Variants in AP1M1 observed in about 807,000 individuals in gnomAD.
The protein encoded by AP1M1 is AP-1 complex subunit mu-1.
AP1M1 carries 18 observed loss-of-function variants against 57.1 expected under a neutral mutation model. The ratio of observed to expected loss-of-function variants is 0.32; its 90% confidence interval spans 0.22 to 0.47. The LOEUF (loss-of-function observed/expected upper bound fraction) is 0.47. AP1M1 is among the 20% of genes least tolerant of loss of function. The pLI is 1.00. For missense variants in AP1M1, 362 were observed against 593.5 expected (o/e 0.61, Z 4.05); for synonymous variants, 241 against 237.9 (o/e 1.01, Z -0.12).
intron 5 of AP1M1, among the ~76,000 whole-genome samples, chr19:16,223,899 C>T (rs1255919119): frequency 6.6e-6 from 1 of 152,258 alleles, no homozygotes; most frequent in Admixed American, 6.5e-5. Flanking sequence ...TGTGTTCACG[C>T]TGGCCTCATC....
rs370663435 is a variant in AP1M1, at chr19:16,244,882, T to TTTTTTGTTGTTG, written c.*10449_*10450insTTTGTTGTTGTT. The TTTTTTGTTGTTG allele has an allele frequency of 0.4, 60,253 of 149,472 alleles. 13,899 individuals are homozygous for TTTTTTGTTGTTG. The highest frequency in any genetic ancestry group is 0.53 in the Non-Finnish European group (35,659 of 67,612). The allele number at this position is 149,472 out of a possible 1,614,324, so 9.3% of individuals were successfully genotyped here. A position where few individuals can be genotyped will look rare whatever the true frequency, so the allele number is the denominator to read the frequency against. ...TAAATAACATGGATAAAATTTGTTG[T>TTTTTTGTTGTTG]TTGTTGTTGTTGTTGTTGTTGTTGT... On this transcript the variant is annotated 3_prime_UTR_variant, in exon 12 of 12. Coordinates refer to ENST00000291439, the MANE Select transcript of AP1M1 (RefSeq NM_032493.4).
chr19:16,228,330 T>A lies in AP1M1; in HGVS notation c.888+122T>A. The A allele has an allele frequency of 9.8e-7, 1 of 1,017,728 alleles. No homozygotes were observed. The highest frequency in any genetic ancestry group is 1.4e-5 in the South Asian group (1 of 72,886). The allele number at this position is 1,017,728 out of a possible 1,614,324, so 63.0% of individuals were successfully genotyped here. A position where few individuals can be genotyped will look rare whatever the true frequency, so the allele number is the denominator to read the frequency against. ...CGTGCACCCTCACTGTGGCCTCAGA[T>A]GCAGGAGTGACCTGACACTGAGGGG... is the stretch of plus-strand genomic sequence containing the variant. On this transcript the variant is annotated intron_variant, in intron 8 of 11. Transcript: ENST00000291439. This position sits in a 1 kb window ranked among gnomAD's most constrained non-coding sequence, Gnocchi z 5.0.
intron 5 of AP1M1, 93 bp downstream of exon 5, chr19:16,209,270 C>A: frequency 7.0e-7 from 1 of 1,437,322 alleles, no homozygotes; most frequent in Non-Finnish European, 9.6e-7. Flanking sequence ...GCCCCGAGAG[C>A]CGTTCTGTGT....
chr19:16,200,772 C>G (rs568196831), intron 1 of AP1M1, among the ~76,000 whole-genome samples: 1 of 152,360 alleles, frequency 6.6e-6, no homozygotes, highest in Admixed American at 6.5e-5. Flanking sequence ...ACCACCTCCT[C>G]TTCAGTGCTC....
intron 1 of AP1M1, among the ~76,000 whole-genome samples, chr19:16,199,716 G>A (rs2091439520): frequency 6.6e-6 from 1 of 152,222 alleles, no homozygotes; most frequent in African/African-American, 2.4e-5. Context: ...TTCTTGGAAG[G>A]AGGGAAGACA....
chr19:16,203,929 C>T lies in AP1M1; in HGVS notation c.199+314C>T, dbSNP rs1689560115. On this transcript the variant is annotated intron_variant, in intron 2 of 11. Transcript: ENST00000291439. This position sits in a 1 kb window ranked among gnomAD's most constrained non-coding sequence, Gnocchi z 4.6. ...GCTGGAGGGGTGGGCAGGCACTAGG[C>T]GTGGGTGAAGGCTCTGCAGGGAAGA... is the stretch of plus-strand genomic sequence containing the variant. Among the ~76,000 whole-genome samples, 1 of 152,242 alleles carries T rather than the reference C, an allele frequency of 6.6e-6. No homozygotes were observed. Among genetic ancestry groups the T allele is most frequent in the African/African-American group, 2.4e-5 (1 of 41,538 alleles).
At chr19:16,219,068 T>TTG (rs2091531072) in intron 5 of AP1M1, among the ~76,000 whole-genome samples, 1 of 151,890 alleles carries the variant, frequency 6.6e-6, no homozygotes, top group African/African-American at 2.4e-5. Context: ...CTAACAGTTT[T>TTG]TTTTTTTTTT....
rs887265879 is a variant in AP1M1, at chr19:16,244,701, G to A, written c.*10266G>A. ...AAAAATTAGCCGGGCGCGGTGGCGGGCGCCTGTAGTCCCAGCTACTCCGGA... is the reference window on the plus strand; with the variant it reads ...AAAAATTAGCCGGGCGCGGTGGCGGACGCCTGTAGTCCCAGCTACTCCGGA... On this transcript the variant is annotated 3_prime_UTR_variant, in exon 12 of 12. Transcript: ENST00000291439. 6.6e-6 allele frequency: 1 copy of A among 151,704 alleles called. No individual in the cohort carries two copies. The highest frequency in any genetic ancestry group is 2.4e-5 in the African/African-American group (1 of 41,386). The allele number at this position is 151,704 out of a possible 1,614,324, so 9.4% of individuals were successfully genotyped here.
intron 5 of AP1M1, among the ~76,000 whole-genome samples, chr19:16,224,481 C>T (rs1376685857): frequency 6.6e-6 from 1 of 152,216 alleles, no homozygotes; most frequent in Non-Finnish European, 1.5e-5. Context: ...CCTCCAGATG[C>T]GATCATCTGA....
intron 5 of AP1M1, among the ~76,000 whole-genome samples, chr19:16,225,111 C>T (rs1361949135): frequency 2.0e-5 from 3 of 152,180 alleles, no homozygotes; most frequent in Non-Finnish European, 4.4e-5. Flanking sequence ...GGGCCATGTC[C>T]GGTTCCCTGC....
In AP1M1 at chr19:16,227,542, C is replaced by A; in HGVS notation, c.674-6C>A. Reference sequence around the variant, plus strand: ...AGATCTGTCCTACCCTCACCCCTGACCCCAGGCGGCAAAAGCAAATCCGTG... The same window carrying A: ...AGATCTGTCCTACCCTCACCCCTGAACCCAGGCGGCAAAAGCAAATCCGTG... On this transcript the variant is annotated splice_region_variant and splice_polypyrimidine_tract_variant and intron_variant, in intron 6 of 11. Transcript: ENST00000291439. This position sits in a 1 kb window ranked among gnomAD's most constrained non-coding sequence, Gnocchi z 6.2. 1 of 1,613,546 alleles carries A rather than the reference C, an allele frequency of 6.2e-7. No individual in the cohort carries two copies. Among genetic ancestry groups the A allele is most frequent in the South Asian group, 1.1e-5 (1 of 91,076 alleles).
rs1394621774 is a variant in AP1M1 at position 16,241,306 on chromosome 19, T to C, written c.*6871T>C. ...CCAGCTTGGGCAAAGTGAGATTCTGTCTCAAAAAAAAAAAAAGACAAGATA... is the reference window on the plus strand; with the variant it reads ...CCAGCTTGGGCAAAGTGAGATTCTGCCTCAAAAAAAAAAAAAGACAAGATA... On this transcript the variant is annotated 3_prime_UTR_variant, in exon 12 of 12. Coordinates refer to ENST00000291439, the MANE Select transcript of AP1M1 (RefSeq NM_032493.4). The C allele has an allele frequency of 1.0e-5, 1 of 96,856 alleles. No homozygotes were observed. Among genetic ancestry groups the C allele is most frequent in the East Asian group, 2.3e-4 (1 of 4,388 alleles). The allele number at this position is 96,856 out of a possible 1,614,324, so 6.0% of individuals were successfully genotyped here.
chr19:16,243,682 C>CT lies in AP1M1; in HGVS notation c.*9248dup, dbSNP rs1326090062. 1 of 152,078 alleles carries CT rather than the reference C, an allele frequency of 6.6e-6. No individual in the cohort carries two copies. Among genetic ancestry groups the CT allele is most frequent in the African/African-American group, 2.4e-5 (1 of 41,376 alleles). 9.4% of individuals were successfully genotyped at this position (152,078 alleles called of 1,614,324 possible). A position where few individuals can be genotyped will look rare whatever the true frequency, so the allele number is the denominator to read the frequency against. ...AATGGCCAGGTGCAGTGGCTCATGT[C>CT]TATAATCCCAGCACTTTAGGAGGCT... On this transcript the variant is annotated 3_prime_UTR_variant, in exon 12 of 12. Coordinates refer to ENST00000291439, the MANE Select transcript of AP1M1 (RefSeq NM_032493.4).
Position 16,203,451 on chromosome 19 carries a change from C to T in AP1M1, c.43-8C>T, listed in dbSNP as rs1280223938. 6.2e-7 allele frequency: 1 copy of T among 1,614,172 alleles called. No individual in the cohort carries two copies. The highest frequency in any genetic ancestry group is 8.5e-7 in the Non-Finnish European group (1 of 1,180,022). On this transcript the variant is annotated splice_region_variant and splice_polypyrimidine_tract_variant and intron_variant, in intron 1 of 11. Coordinates refer to ENST00000291439, the MANE Select transcript of AP1M1 (RefSeq NM_032493.4). This position sits in a 1 kb window ranked among gnomAD's most constrained non-coding sequence, Gnocchi z 4.6. ...GCAAGCATCTTTTCTCTTCCTTCCC[C>T]ACCCCAGGTGCTCATCTGCCGGAAC...
chr19:16,231,081 G>A (rs1323257794), intron 9 of AP1M1, among the ~76,000 whole-genome samples: 3 of 151,964 alleles, frequency 2.0e-5, no homozygotes, highest in African/African-American at 7.2e-5. Flanking sequence ...AAGGTCAGGA[G>A]ATCAAGACCA....
chr19:16,198,534 C>A (rs1599449307), intron 1 of AP1M1, among the ~76,000 whole-genome samples: 1 of 152,252 alleles, frequency 6.6e-6, no homozygotes, highest in African/African-American at 2.4e-5. Context: ...CACTTTCTCT[C>A]AGTAGGAATT....
At chr19:16,202,556 C>T (rs1313241196) in intron 1 of AP1M1, among the ~76,000 whole-genome samples, 3 of 152,200 alleles carry the variant, frequency 2.0e-5, no homozygotes, top group Non-Finnish European at 4.4e-5. Context: ...TTTTCATCAC[C>T]ATTTTCTAGG....
Position 16,207,526 on chromosome 19 carries a change from C to T in AP1M1, c.268-493C>T, listed in dbSNP as rs2091474478. Among the ~76,000 whole-genome samples, 1 of 152,202 alleles carries T rather than the reference C, an allele frequency of 6.6e-6. No homozygotes were observed. The highest frequency in any genetic ancestry group is 2.1e-4 in the South Asian group (1 of 4,834). On this transcript the variant is annotated intron_variant, in intron 3 of 11. Coordinates refer to ENST00000291439, the MANE Select transcript of AP1M1 (RefSeq NM_032493.4). This position sits in a 1 kb window ranked among gnomAD's most constrained non-coding sequence, Gnocchi z 4.2. ...GCTGTGCCTTTCTGTTTTAGTGACG[C>T]TCCTTCCTTCAGCATTTGTGCCTGC...
intron 9 of AP1M1, among the ~76,000 whole-genome samples, chr19:16,231,095 T>C (rs2091594012): frequency 6.6e-6 from 1 of 151,942 alleles, no homozygotes; most frequent in South Asian, 2.1e-4. Flanking sequence ...AAGACCATCC[T>C]GGCTAACATG....
Sources: allele counts gnomAD v4.1 joint callset (sites outside exome capture counted in the v4.1 genomes callset), GRCh38; gene constraint gnomAD v4.1.1; non-coding constraint Gnocchi (gnomAD v3.1); transcripts MANE v1.5; gene names NCBI Gene and HGNC (gene_info 2026-07-23, HGNC 2026-07-21).